The following CDC42BPB variants were observed in gnomAD, a reference collection of about 807,000 sequenced individuals.
CDC42BPB encodes the protein serine/threonine-protein kinase MRCK beta.
A neutral mutation model predicts 214.9 loss-of-function variants in CDC42BPB; 37 were observed. The observed-to-expected ratio is 0.17, with a 90% CI of 0.13 to 0.23. CDC42BPB has a LOEUF of 0.23. CDC42BPB is among the 10% of genes least tolerant of loss of function. The pLI, the probability that CDC42BPB is intolerant of heterozygous loss-of-function variation, is 1.00. For missense variants in CDC42BPB, 1,694 were observed against 2,227.0 expected (o/e 0.76, Z 4.82); for synonymous variants, 931 against 884.0 (o/e 1.05, Z -0.94).
chr14:103,003,819 A>T lies in CDC42BPB; in HGVS notation c.447+109T>A. 6.1e-6 allele frequency: 5 copies of T among 814,116 alleles called. No individual in the cohort carries two copies. The South Asian group carries it at 9.6e-5, about 16-fold the overall frequency. 50.4% of individuals were successfully genotyped at this position (814,116 alleles called of 1,614,324 possible). ...CCCGCCGTTTTATCGAGTCCAATAC[A>T]CATTTTTTAAATGTCAGTTCCACAT... On this transcript the variant is annotated intron_variant, in intron 4 of 36. Coordinates refer to ENST00000361246, the MANE Select transcript of CDC42BPB (RefSeq NM_006035.4).
intron 5 of CDC42BPB, among the ~76,000 whole-genome samples, chr14:102,988,146 T>C (rs892716039): frequency 6.6e-6 from 1 of 151,306 alleles, no homozygotes; most frequent in Non-Finnish European, 1.5e-5. Context: ...AAAAATCTAA[T>C]GAAAAATTGA....
intron 1 of CDC42BPB, among the ~76,000 whole-genome samples, chr14:103,043,615 A>G (rs754463066): frequency 2.6e-5 from 4 of 152,220 alleles, no homozygotes; most frequent in South Asian, 4.1e-4. Context: ...AAACACACCA[A>G]CACTGAACTG....
In CDC42BPB at chr14:103,057,034, C is replaced by T; in HGVS notation, c.140G>A (p.Arg47His). Residue 47 changes from arginine (R) to histidine (H), a missense_variant, in exon 1 of 37, where the codon CGC becomes CAC. Transcript: ENST00000361246. ...LYTECSHSALRRDKYVAEFLE... is the reference protein window; with the variant it reads ...LYTECSHSALHRDKYVAEFLE... The stretch of plus-strand genomic sequence containing the variant: ...GAACTCGGCCACGTACTTGTCGCGG[C>T]GCAGGGCCGAGTGGCTGCACTCGGT... The T allele has an allele frequency of 1.3e-6, 2 of 1,512,822 alleles. No individual in the cohort carries two copies. The highest frequency in any genetic ancestry group is 1.8e-6 in the Non-Finnish European group (2 of 1,135,398). The allele number at this position is 1,512,822 out of a possible 1,614,324, so 93.7% of individuals were successfully genotyped here. A position where few individuals can be genotyped will look rare whatever the true frequency, so the allele number is the denominator to read the frequency against.
At chr14:102,997,476 A>G (rs1894794138) in intron 5 of CDC42BPB, among the ~76,000 whole-genome samples, 1 of 152,216 alleles carries the variant, frequency 6.6e-6, no homozygotes, top group African/African-American at 2.4e-5. Context: ...CAGTCCCAGA[A>G]AGGGAGAGGG....
chr14:102,932,861 G>A lies in CDC42BPB; in HGVS notation c.*851C>T, dbSNP rs1462947937. 10 of 135,984 alleles carry A rather than the reference G, an allele frequency of 7.4e-5. No individual in the cohort carries two copies. Among genetic ancestry groups the A allele is most frequent in the Middle Eastern group, 3.6e-3 (1 of 276 alleles). 8.4% of individuals were successfully genotyped at this position (135,984 alleles called of 1,614,324 possible). On this transcript the variant is annotated 3_prime_UTR_variant, in exon 37 of 37. Transcript: ENST00000361246. ...GCTACTAATCACGGGGGCTCCATGC[G>A]GGGGCAGGACTGGTGGGGGGGGGGG...
At position 102,974,037 on chromosome 14, in the gene CDC42BPB, C is replaced by T. The variant is rs780056877; in HGVS notation, c.1620G>A (p.Gln540=). The change falls in exon 12 of 37, where the codon CAG becomes CAA. Residue 540 remains glutamine, a synonymous_variant. Coordinates refer to ENST00000361246, the MANE Select transcript of CDC42BPB (RefSeq NM_006035.4). ...CTACCTTGTGCAGCTCCTCCTTCTC[C>T]TGCCGGACCACGCGGTGCTGCTTCT... ...GLEKQHRVVR[Q]EKEELHKQLV... is the part of the protein sequence containing the mutation. The T allele has an allele frequency of 3.7e-6, 6 of 1,611,092 alleles. No homozygotes were observed. In the African/African-American group the frequency reaches 6.7e-5, roughly 18 times the overall value.
chr14:102,998,068 T>C (rs1370781717), intron 5 of CDC42BPB, among the ~76,000 whole-genome samples: 1 of 152,068 alleles, frequency 6.6e-6, no homozygotes, highest in Non-Finnish European at 1.5e-5. Flanking sequence ...GCAGAGGCTA[T>C]AGTGAGTGAA....
At chr14:102,949,614 G>A in intron 26 of CDC42BPB, 151 bp downstream of exon 26, 1 of 966,450 alleles carries the variant, frequency 1.0e-6, no homozygotes, top group Non-Finnish European at 1.5e-6. Context: ...CTGAAGTCAT[G>A]ACTAAGCTGT....
chr14:102,963,108 A>G lies in CDC42BPB; in HGVS notation c.2774T>C (p.Met925Thr). The G allele has an allele frequency of 6.3e-7, 1 of 1,591,802 alleles. No individual in the cohort carries two copies. Among genetic ancestry groups the G allele is most frequent in the Non-Finnish European group, 8.6e-7 (1 of 1,161,364 alleles). ...EAKNRELLEE[M>T]EILKKKMEEK... ...TTCCATCTTTTTCTTCAAAATTTCC[A>G]TTTCTTCTAATAATTCTCTGTTTTT... Residue 925 changes from methionine to threonine, a missense_variant, in exon 20 of 37, where the codon ATG becomes ACG. By Grantham distance (81) the Met-to-Thr change is moderately conservative (BLOSUM62 -1). Coordinates refer to ENST00000361246, the MANE Select transcript of CDC42BPB (RefSeq NM_006035.4).
chr14:103,048,532 CAAAAAAAAAAA>C (rs71119751), intron 1 of CDC42BPB, among the ~76,000 whole-genome samples: 217 of 42,666 alleles, frequency 5.1e-3, no homozygotes, highest in African/African-American at 0.017. Context: ...ACTAAAAATA[CAAAAAAAAAAA>C]AAAAAAAAAA....
At chr14:102,966,568 C>A in intron 17 of CDC42BPB, 181 bp from the exon 18 acceptor site, 1 of 964,402 alleles carries the variant, frequency 1.0e-6, no homozygotes, top group Non-Finnish European at 1.2e-6. Flanking sequence ...TTACATTGCA[C>A]ATGACTGCAG....
chr14:103,021,182 C>T (rs1276379238), intron 1 of CDC42BPB, among the ~76,000 whole-genome samples: 2 of 152,144 alleles, frequency 1.3e-5, no homozygotes, highest in African/African-American at 2.4e-5. Flanking sequence ...TGGATGTGGC[C>T]GCGTGCAGTG....
At chr14:102,940,410 G>T in intron 30 of CDC42BPB, 86 bp from the exon 31 acceptor site, 1 of 1,541,140 alleles carries the variant, frequency 6.5e-7, no homozygotes, top group East Asian at 2.5e-5. Context: ...CTTGGCACTT[G>T]AACAAGTGCA....
In CDC42BPB at chr14:102,946,460, G is replaced by A. The variant is rs188194900; in HGVS notation, c.3748+8C>T. 3 of 1,612,384 alleles carry A rather than the reference G, an allele frequency of 1.9e-6. No homozygotes were observed. The highest frequency in any genetic ancestry group is 3.3e-5 in the Admixed American group (2 of 60,006). On this transcript the variant is annotated splice_region_variant and intron_variant, in intron 28 of 36. Coordinates refer to ENST00000361246, the MANE Select transcript of CDC42BPB (RefSeq NM_006035.4). ...AGACACCTGAAGGACACAACCTTTG[G>A]GACGTACCCACGATGGCAGCTGTCA... is the stretch of plus-strand genomic sequence containing the variant.
chr14:103,000,303 G>A (rs566601978), intron 4 of CDC42BPB, among the ~76,000 whole-genome samples: 1 of 152,368 alleles, frequency 6.6e-6, no homozygotes, highest in African/African-American at 2.4e-5. Flanking sequence ...TCACTTCCCC[G>A]CGAGTTCCCT....
chr14:103,045,854 A>G (rs2139764426), intron 1 of CDC42BPB, among the ~76,000 whole-genome samples: 1 of 152,332 alleles, frequency 6.6e-6, no homozygotes, highest in East Asian at 1.9e-4. Flanking sequence ...CCAGGAGAAC[A>G]GGAATTTTGT....
intron 23 of CDC42BPB, among the ~76,000 whole-genome samples, chr14:102,953,587 C>G (rs751737916): frequency 6.6e-6 from 1 of 152,208 alleles, no homozygotes; most frequent in African/African-American, 2.4e-5. Flanking sequence ...GCTACGTACT[C>G]GCAATGCTTG....
At chr14:102,937,518 C>T (rs554287937) in intron 36 of CDC42BPB, among the ~76,000 whole-genome samples, 1 of 151,746 alleles carries the variant, frequency 6.6e-6, no homozygotes, top group Admixed American at 6.6e-5. Context: ...CTCCCTCCCT[C>T]CAAGGATGGC....
chr14:102,986,008 C>A (rs1396933043), intron 6 of CDC42BPB, among the ~76,000 whole-genome samples: 2 of 152,194 alleles, frequency 1.3e-5, no homozygotes, highest in Non-Finnish European at 2.9e-5. Flanking sequence ...GTCAGCTGGC[C>A]CCGTAACACT....
Sources: gnomAD v4.1 joint callset for allele counts (sites outside exome capture counted in the v4.1 genomes callset) on GRCh38, gnomAD v4.1.1 for gene constraint, MANE v1.5 for transcripts, NCBI Gene and HGNC (gene_info 2026-07-23, HGNC 2026-07-21) for gene names.